Variants in CDK18 observed in about 807,000 individuals in gnomAD.
The protein encoded by CDK18 is cyclin-dependent kinase 18.
CDK18 carries 52 observed loss-of-function variants against 62.0 expected under a neutral mutation model. The ratio of observed to expected loss-of-function variants is 0.84; its 90% confidence interval spans 0.67 to 1.06. CDK18 has a LOEUF of 1.06. CDK18 is among the 50% of genes least tolerant of loss of function. The pLI, the probability that CDK18 is intolerant of heterozygous loss-of-function variation, is 0.00. For synonymous variants in CDK18, 237 were observed against 247.0 expected (o/e 0.96, Z 0.38); for missense variants, 604 against 619.9 (o/e 0.97, Z 0.27).
chr1:205,511,978 C>T (rs936331907), intron 1 of CDK18, among the ~76,000 whole-genome samples: 3 of 152,104 alleles, frequency 2.0e-5, no homozygotes, highest in Non-Finnish European at 4.4e-5. Context: ...TGCTTGAACC[C>T]GGGAGACAGA....
intron 1 of CDK18, among the ~76,000 whole-genome samples, chr1:205,509,514 A>C (rs1667467540): frequency 6.6e-6 from 1 of 152,136 alleles, no homozygotes. Flanking sequence ...CCTTAGGTTA[A>C]GTAATTTGCT....
chr1:205,515,173 ATT>A (rs34027094), intron 1 of CDK18, among the ~76,000 whole-genome samples: 17 of 117,746 alleles, frequency 1.4e-4, no homozygotes, highest in African/African-American at 3.6e-4. Context: ...GCTTTGAAGG[ATT>A]TTTTTTTTTT....
At chr1:205,507,652 AAAAAAAAAAAAT>A (rs1404453148) in intron 1 of CDK18, among the ~76,000 whole-genome samples, 4 of 150,534 alleles carry the variant, frequency 2.7e-5, no homozygotes, top group Non-Finnish European at 5.9e-5. Flanking sequence ...AAAAAAAAAA[AAAAAAAAAAAAT>A]AATGCACAGT....
In CDK18 at chr1:205,529,960, C is replaced by G. The variant is rs373791111; in HGVS notation, c.1222-299C>G. On this transcript the variant is annotated intron_variant, in intron 13 of 15. Transcript: ENST00000429964. The stretch of plus-strand genomic sequence containing the variant: ...GTTATCGGCACTACGCTTCCTGTTA[C>G]GGATGTTCTCCATCTGATCATGGTT... The G allele has an allele frequency of 7.3e-6, 10 of 1,370,558 alleles. No homozygotes were observed. In the African/African-American group the frequency reaches 1.3e-4, roughly 18 times the overall value. 84.9% of individuals were successfully genotyped at this position (1,370,558 alleles called of 1,614,324 possible).
At position 205,528,162 on chromosome 1, in the gene CDK18, A is replaced by G; in HGVS notation, c.968A>G (p.Asp323Gly). 3.1e-6 allele frequency: 5 copies of G among 1,613,444 alleles called. No individual in the cohort carries two copies. The highest frequency in any genetic ancestry group is 4.2e-6 in the Non-Finnish European group (5 of 1,179,928). Residue 323 changes from aspartate to glycine, a missense_variant, in exon 10 of 16, where the codon GAT becomes GGT. Asp to Gly is a moderately conservative substitution (Grantham distance 94, BLOSUM62 -1). Transcript: ENST00000429964. This position sits in a 1 kb window ranked among gnomAD's most constrained non-coding sequence, Gnocchi z 4.2. ...TCCACAGAGTACTCCACCCCCATTGATATGTGGTGAGTGAGCACTGTGGGG... is the reference window on the plus strand; with the variant it reads ...TCCACAGAGTACTCCACCCCCATTGGTATGTGGTGAGTGAGCACTGTGGGG... Reference protein sequence around the residue: ...LGSTEYSTPIDMWGVGCIHYE... With the variant: ...LGSTEYSTPIGMWGVGCIHYE...
At chr1:205,513,417 G>A (rs1249197283) in intron 1 of CDK18, among the ~76,000 whole-genome samples, 2 of 152,208 alleles carry the variant, frequency 1.3e-5, no homozygotes, top group Non-Finnish European at 2.9e-5. Context: ...TTATCACTTG[G>A]ACATCCTGAG....
chr1:205,522,956 T>G, intron 1 of CDK18, 191 bp from the exon 2 acceptor site: 1 of 574,952 alleles, frequency 1.7e-6, no homozygotes, highest in Non-Finnish European at 3.0e-6. Flanking sequence ...AGGAAGAAGG[T>G]GACTGGGAAG....
In CDK18 at chr1:205,516,224, GTC is replaced by G. The variant is rs796234160; in HGVS notation, c.-21-6919_-21-6918del. ...ACAGTTCTCCCTGGGAGGAGGGAGT[GTC>G]TCTGAGGTCCTAGCTCATGACGTCT... On this transcript the variant is annotated intron_variant, in intron 1 of 15. Transcript: ENST00000429964. This position sits in a 1 kb window ranked among gnomAD's most constrained non-coding sequence, Gnocchi z 4.8. Among the ~76,000 whole-genome samples the G allele has an allele frequency of 5.0e-4, 76 of 152,294 alleles. No individual in the cohort carries two copies. The highest frequency in any genetic ancestry group is 1.8e-3 in the African/African-American group (76 of 41,574).
intron 1 of CDK18, among the ~76,000 whole-genome samples, chr1:205,510,503 C>G (rs1317525692): frequency 6.6e-6 from 1 of 152,210 alleles, no homozygotes; most frequent in Non-Finnish European, 1.5e-5. Context: ...CTGGCAGCAT[C>G]CCCTGCCGTG....
intron 1 of CDK18, among the ~76,000 whole-genome samples, chr1:205,507,435 T>C (rs1463768460): frequency 6.7e-6 from 1 of 148,262 alleles, no homozygotes; most frequent in Non-Finnish European, 1.5e-5. Context: ...ATCGAGACCA[T>C]CCTGGCTAAC....
Position 205,526,355 on chromosome 1 carries a change from G to C in CDK18, c.572-12G>C. The C allele has an allele frequency of 6.2e-7, 1 of 1,610,732 alleles. No individual in the cohort carries two copies. Among genetic ancestry groups the C allele is most frequent in the Non-Finnish European group, 8.5e-7 (1 of 1,176,882 alleles). On this transcript the variant is annotated splice_polypyrimidine_tract_variant and intron_variant, in intron 6 of 15. Coordinates refer to ENST00000429964, the MANE Select transcript of CDK18 (RefSeq NM_212502.3). ...GGGTCCTAGGGACCCAGGTGGATCT[G>C]TCTCCTCACAGTGTCTCTGCTGAAG...
At chr1:205,505,217 A>G (rs1439686043) in intron 1 of CDK18, among the ~76,000 whole-genome samples, 2 of 150,106 alleles carry the variant, frequency 1.3e-5, no homozygotes, top group Non-Finnish European at 3.0e-5. Context: ...CATTCTGGGA[A>G]GGGCAAGGGT....
At chr1:205,526,250 T>C in intron 6 of CDK18, 71 bp downstream of exon 6, 2 of 1,501,780 alleles carry the variant, frequency 1.3e-6, no homozygotes, top group Non-Finnish European at 9.3e-7. Context: ...TGCACCCTTG[T>C]GGGAGCTGGG....
chr1:205,524,148 G>T, intron 3 of CDK18, 84 bp from the exon 4 acceptor site: 1 of 1,508,936 alleles, frequency 6.6e-7, no homozygotes, highest in East Asian at 2.3e-5. Flanking sequence ...GGAACGCTAG[G>T]TCCAGAGTGA....
chr1:205,529,932 G>A (rs1668653783), intron 13 of CDK18: 1 of 1,385,298 alleles, frequency 7.2e-7, no homozygotes, highest in Non-Finnish European at 9.4e-7. Context: ...ACGATGAAGG[G>A]TTGTTATCGG....
chr1:205,518,396 CA>C (rs1481339052), intron 1 of CDK18, among the ~76,000 whole-genome samples: 1 of 152,160 alleles, frequency 6.6e-6, no homozygotes, highest in Admixed American at 6.5e-5. Flanking sequence ...TGAATGGAGC[CA>C]GGGGTGAGAG....
In CDK18 at chr1:205,527,058, G is replaced by T. The variant is rs1164011147; in HGVS notation, c.729+221G>T. 9.0e-6 allele frequency: 5 copies of T among 554,696 alleles called. No homozygotes were observed. Among genetic ancestry groups the T allele is most frequent in the Non-Finnish European group, 1.6e-5 (5 of 310,492 alleles). The allele number at this position is 554,696 out of a possible 1,614,324, so 34.4% of individuals were successfully genotyped here. On this transcript the variant is annotated intron_variant, in intron 8 of 15. Transcript: ENST00000429964. This position sits in a 1 kb window ranked among gnomAD's most constrained non-coding sequence, Gnocchi z 4.1. The stretch of plus-strand genomic sequence containing the variant: ...ACTGTCTGCCACTGTCTAGCTGTTG[G>T]TATAAAACCCACTCTCAACTCTGAA...
chr1:205,528,188 A>G lies in CDK18; in HGVS notation c.974+20A>G. Reference sequence around the variant, plus strand: ...TATGTGGTGAGTGAGCACTGTGGGGACCGAGGAGGGGAGGACAGGCCTGGC... The same window carrying G: ...TATGTGGTGAGTGAGCACTGTGGGGGCCGAGGAGGGGAGGACAGGCCTGGC... On this transcript the variant is annotated intron_variant, in intron 10 of 15. Transcript: ENST00000429964. This position sits in a 1 kb window ranked among gnomAD's most constrained non-coding sequence, Gnocchi z 4.2. 1.2e-6 allele frequency: 2 copies of G among 1,612,416 alleles called. No homozygotes were observed. Among genetic ancestry groups the G allele is most frequent in the South Asian group, 1.1e-5 (1 of 90,972 alleles).
chr1:205,529,357 C>T lies in CDK18; in HGVS notation c.1106C>T (p.Thr369Ile), dbSNP rs1231314601. ...TPTEETWPGVTAFSEFRTYSF... is the reference protein window; with the variant it reads ...TPTEETWPGVIAFSEFRTYSF... ...ACAGAAGAGACGTGGCCCGGCGTGA[C>T]CGCCTTCTCTGAGTTCCGCACCTAC... is the stretch of plus-strand genomic sequence containing the variant. The change falls in exon 12 of 16, where the codon ACC becomes ATC. Residue 369 changes from threonine (T) to isoleucine (I), a missense_variant. By Grantham distance (89) the Thr-to-Ile change is moderately conservative (BLOSUM62 -1). Coordinates refer to ENST00000429964, the MANE Select transcript of CDK18 (RefSeq NM_212502.3). 1 of 1,614,034 alleles carries T rather than the reference C, an allele frequency of 6.2e-7. No individual in the cohort carries two copies. The highest frequency in any genetic ancestry group is 8.5e-7 in the Non-Finnish European group (1 of 1,179,952).
Sources: gnomAD v4.1 joint callset for allele counts (sites outside exome capture counted in the v4.1 genomes callset) on GRCh38, gnomAD v4.1.1 for gene constraint, Gnocchi (gnomAD v3.1) non-coding constraint, MANE v1.5 for transcripts, NCBI Gene and HGNC (gene_info 2026-07-23, HGNC 2026-07-21) for gene names.